NEK11: variants seen among roughly 807,000 people sequenced by gnomAD.
The protein encoded by NEK11 is NIMA related kinase 11, also known as serine/threonine-protein kinase Nek11.
A neutral mutation model predicts 80.7 loss-of-function variants in NEK11; 72 were observed. The observed-to-expected ratio is 0.89, with a 90% CI of 0.74 to 1.08. NEK11 has a LOEUF of 1.08. NEK11 is among the 50% of genes least tolerant of loss of function. The probability of loss-of-function intolerance (pLI) is 0.00; values close to 1 mark genes in which losing one functional copy is unlikely to be tolerated. For synonymous variants in NEK11, 251 were observed against 260.7 expected, an observed-to-expected ratio of 0.96 and a Z score of 0.36; for missense variants, 764 against 763.6, an observed-to-expected ratio of 1.00 and a Z score of -0.01.
intron 14 of NEK11, among the ~76,000 whole-genome samples, chr3:131,220,569 C>G (rs2094986268): frequency 6.6e-6 from 1 of 152,130 alleles, no homozygotes; most frequent in South Asian, 2.1e-4. Flanking sequence ...TTATAATAGC[C>G]TTGTTCAGTA....
intron 7 of NEK11, among the ~76,000 whole-genome samples, chr3:131,143,812 C>T (rs1250512941): frequency 6.6e-6 from 1 of 152,026 alleles, no homozygotes; most frequent in African/African-American, 2.4e-5. Context: ...TAGGTTAATA[C>T]TCAATTCTAC....
chr3:131,309,471 C>T (rs887489292), intron 17 of NEK11, among the ~76,000 whole-genome samples: 2 of 152,156 alleles, frequency 1.3e-5, no homozygotes, highest in African/African-American at 4.8e-5. Flanking sequence ...AAACAACCTC[C>T]TCTCCTCCTA....
intron 4 of NEK11, among the ~76,000 whole-genome samples, chr3:131,083,663 C>T (rs1285134104): frequency 6.6e-6 from 1 of 152,118 alleles, no homozygotes; most frequent in Non-Finnish European, 1.5e-5. Flanking sequence ...TCCAGGTTCC[C>T]TCTTCTGTAA....
chr3:131,260,288 C>T (rs2095892751), intron 16 of NEK11, among the ~76,000 whole-genome samples: 1 of 152,094 alleles, frequency 6.6e-6, no homozygotes, highest in Non-Finnish European at 1.5e-5. Context: ...AACCACAGTT[C>T]TAGTCTGGGC....
At chr3:131,118,543 A>G (rs900888208) in intron 5 of NEK11, among the ~76,000 whole-genome samples, 2 of 152,214 alleles carry the variant, frequency 1.3e-5, no homozygotes, top group East Asian at 3.8e-4. Context: ...TTTCAGAAGG[A>G]ATGATACCAA....
At chr3:131,162,223 A>T (rs1560717608) in intron 10 of NEK11, among the ~76,000 whole-genome samples, 185 bp from the exon 11 acceptor site, 2 of 152,214 alleles carry the variant, frequency 1.3e-5, no homozygotes, top group Admixed American at 6.5e-5. Context: ...TAATTTGAAA[A>T]ATGTTGCTTA....
intron 17 of NEK11, chr3:131,325,785 C>T (rs915487259): frequency 6.6e-5 from 10 of 152,198 alleles, no homozygotes; most frequent in African/African-American, 1.4e-4. Context: ...GAAAGAACCA[C>T]TAGTCAGATA....
chr3:131,241,858 T>C (rs1456101529), intron 15 of NEK11, among the ~76,000 whole-genome samples: 1 of 152,160 alleles, frequency 6.6e-6, no homozygotes, highest in Non-Finnish European at 1.5e-5. Context: ...TATGTGTGTG[T>C]GTTTGTATTA....
At chr3:131,208,548 C>G (rs1409215914) in intron 14 of NEK11, among the ~76,000 whole-genome samples, 5 of 152,128 alleles carry the variant, frequency 3.3e-5, no homozygotes, top group Admixed American at 1.3e-4. Flanking sequence ...TATAAATTAC[C>G]TTGGGCAGTA....
At chr3:131,273,352 C>A in intron 16 of NEK11, 126 bp from the exon 17 acceptor site, 1 of 633,842 alleles carries the variant, frequency 1.6e-6, no homozygotes, top group Non-Finnish European at 2.9e-6. Context: ...GAATTCATCT[C>A]TAATTAATGT....
chr3:131,310,858 G>T (rs1207605387), intron 17 of NEK11, among the ~76,000 whole-genome samples: 1 of 152,154 alleles, frequency 6.6e-6, no homozygotes, highest in African/African-American at 2.4e-5. Flanking sequence ...AGCTGTTGTT[G>T]TCAATACCCT....
At chr3:131,199,658 CA>C (rs1475161868) in intron 14 of NEK11, among the ~76,000 whole-genome samples, 1 of 150,898 alleles carries the variant, frequency 6.6e-6, no homozygotes, top group African/African-American at 2.4e-5. Context: ...AGAAAATGAA[CA>C]AAAAACTACA....
At chr3:131,214,894 TC>T (rs1310170385) in intron 14 of NEK11, among the ~76,000 whole-genome samples, 7 of 152,192 alleles carry the variant, frequency 4.6e-5, no homozygotes, top group Non-Finnish European at 8.8e-5. Flanking sequence ...GAAAATTATT[TC>T]TTTTCACAAC....
At chr3:131,132,257 A>G (rs4974466) in intron 5 of NEK11, among the ~76,000 whole-genome samples, 66,285 of 151,836 alleles carry the variant, frequency 0.44, 16,883 homozygotes, top group Middle Eastern at 0.66. Context: ...GTTCTTTATA[A>G]TTCCATAAAA....
At position 131,132,727 on chromosome 3, in the gene NEK11, C is replaced by T; in HGVS notation, c.456-18C>T. 1 of 1,406,266 alleles carries T rather than the reference C, an allele frequency of 7.1e-7. No homozygotes were observed. Among genetic ancestry groups the T allele is most frequent in the Non-Finnish European group, 9.9e-7 (1 of 1,014,390 alleles). The allele number at this position is 1,406,266 out of a possible 1,614,324, so 87.1% of individuals were successfully genotyped here. A position where few individuals can be genotyped will look rare whatever the true frequency, so the allele number is the denominator to read the frequency against. On this transcript the variant is annotated intron_variant, in intron 5 of 17. Coordinates refer to ENST00000383366, the MANE Select transcript of NEK11 (RefSeq NM_024800.5). ...TTATATTCTGCATGAAGTTGTATAT[C>T]TTTTTTGCCTTTTGTAGGAGGATAC...
chr3:131,329,103 C>A (rs1222899067), intron 17 of NEK11: 1 of 152,086 alleles, frequency 6.6e-6, no homozygotes, highest in Non-Finnish European at 1.5e-5. Flanking sequence ...GTCTAGTCAC[C>A]CAGAAATATA....
At chr3:131,059,297 T>C (rs993390387) in intron 3 of NEK11, among the ~76,000 whole-genome samples, 6 of 152,188 alleles carry the variant, frequency 3.9e-5, no homozygotes, top group Admixed American at 6.6e-5. Context: ...CATCAAATTG[T>C]ATACATTAAG....
At chr3:131,269,324 A>T (rs1302816030) in intron 16 of NEK11, among the ~76,000 whole-genome samples, 1 of 151,892 alleles carries the variant, frequency 6.6e-6, no homozygotes, top group Non-Finnish European at 1.5e-5. Flanking sequence ...ATGAAAAACA[A>T]CTCCTGCAGC....
chr3:131,099,464 C>G (rs1367714901), intron 4 of NEK11, among the ~76,000 whole-genome samples: 1 of 151,996 alleles, frequency 6.6e-6, no homozygotes, highest in Non-Finnish European at 1.5e-5. Flanking sequence ...TTTTTTGGTT[C>G]CATATGAATG....
Sources: gnomAD v4.1 joint callset for allele counts (sites outside exome capture counted in the v4.1 genomes callset) on GRCh38, gnomAD v4.1.1 for gene constraint, MANE v1.5 for transcripts, NCBI Gene and HGNC (gene_info 2026-07-23, HGNC 2026-07-21) for gene names.